The following PIAS2 variants were observed in gnomAD, a reference collection of about 807,000 sequenced individuals.
The protein encoded by PIAS2 is E3 SUMO-protein ligase PIAS2.
PIAS2 carries 19 observed loss-of-function variants against 69.7 expected under a neutral mutation model. The ratio of observed to expected loss-of-function variants is 0.27; its 90% CI spans 0.19 to 0.40. The LOEUF (loss-of-function observed/expected upper bound fraction) is 0.40, where lower values mean the gene tolerates loss of function less well. Ranked by LOEUF, PIAS2 falls within the 10% of genes least tolerant of loss-of-function variation. PIAS2 has a pLI of 1.00. For synonymous variants in PIAS2, 261 were observed against 263.2 expected (o/e 0.99, Z 0.08); for missense variants, 624 against 757.0 (o/e 0.82, Z 2.06).
chr18:46,916,679 A>C, intron 1 of PIAS2: 2 of 321,680 alleles, frequency 6.2e-6, no homozygotes, highest in Non-Finnish European at 9.0e-6. Context: ...CACAAACCTC[A>C]CAACATAGAC....
At chr18:46,864,802 AAT>A (rs1234651026) in intron 2 of PIAS2, among the ~76,000 whole-genome samples, 1 of 152,138 alleles carries the variant, frequency 6.6e-6, no homozygotes, top group African/African-American at 2.4e-5. Flanking sequence ...GCACAGTAAA[AAT>A]ATAACAAAAC....
intron 10 of PIAS2, among the ~76,000 whole-genome samples, chr18:46,829,066 T>C (rs2043212576): frequency 2.0e-5 from 3 of 152,186 alleles, no homozygotes; most frequent in Non-Finnish European, 4.4e-5. Flanking sequence ...AAAACTGAAA[T>C]GCAGTGAGTA....
chr18:46,884,563 G>A (rs554149327), intron 2 of PIAS2, among the ~76,000 whole-genome samples: 49 of 151,860 alleles, frequency 3.2e-4, no homozygotes, highest in African/African-American at 9.2e-4. Flanking sequence ...CGCCCACCTC[G>A]GCCTCCCAAA....
rs535403642 is a variant in PIAS2, at chr18:46,874,344, G to A, written c.500-10096C>T. ...CTTTTCAAGTGCAGCCACCAGTAAT[G>A]TAGTTAAGGCATTAATCAAAAATAT... On this transcript the variant is annotated intron_variant, in intron 2 of 13. Coordinates refer to ENST00000585916, the MANE Select transcript of PIAS2 (RefSeq NM_004671.5). Among the ~76,000 whole-genome samples, 12 of 152,212 alleles carry A rather than the reference G, an allele frequency of 7.9e-5. No individual in the cohort carries two copies. In the South Asian group the frequency reaches 2.5e-3, roughly 32 times the overall value.
rs1480386435 is a variant in PIAS2, at chr18:46,807,374, TATATA to T, written c.*5054_*5058del. Reference sequence around the variant, plus strand: ...CAGATTTTATATATATATATATATATATATATATATTTTTTTTTTTTTTTTTTTTT... The same window carrying T: ...CAGATTTTATATATATATATATATATTATATTTTTTTTTTTTTTTTTTTTT... On this transcript the variant is annotated 3_prime_UTR_variant, in exon 14 of 14. Transcript: ENST00000585916. 8.8e-4 allele frequency: 27 copies of T among 30,760 alleles called. 1 individual carries two copies. The highest frequency in any genetic ancestry group is 4.1e-3 in the African/African-American group (20 of 4,828). The allele number at this position is 30,760 out of a possible 1,614,324, so 1.9% of individuals were successfully genotyped here.
At chr18:46,849,882 C>T (rs991138704) in intron 5 of PIAS2, among the ~76,000 whole-genome samples, 1 of 152,128 alleles carries the variant, frequency 6.6e-6, no homozygotes, top group Non-Finnish European at 1.5e-5. Context: ...CAAAAATACA[C>T]ATTTCTTTTT....
chr18:46,861,201 T>G (rs910273836), intron 3 of PIAS2, among the ~76,000 whole-genome samples: 1 of 152,104 alleles, frequency 6.6e-6, no homozygotes, highest in Non-Finnish European at 1.5e-5. Flanking sequence ...ATTGTGCCAC[T>G]GCACTCCAAC....
intron 8 of PIAS2, among the ~76,000 whole-genome samples, chr18:46,841,549 C>T (rs1270724414): frequency 2.6e-5 from 4 of 152,200 alleles, no homozygotes; most frequent in African/African-American, 9.7e-5. Flanking sequence ...TCCACCAAAT[C>T]TAATCAAAAC....
chr18:46,916,074 G>A (rs1236447036), intron 1 of PIAS2, among the ~76,000 whole-genome samples: 1 of 152,014 alleles, frequency 6.6e-6, no homozygotes, highest in Non-Finnish European at 1.5e-5. Flanking sequence ...ACTAGTATGG[G>A]GCATAACATG....
intron 10 of PIAS2, among the ~76,000 whole-genome samples, chr18:46,828,498 A>G (rs985091167): frequency 6.6e-6 from 1 of 152,230 alleles, no homozygotes; most frequent in Non-Finnish European, 1.5e-5. Context: ...AACTGGTCTC[A>G]GGTCATGGGA....
intron 1 of PIAS2, among the ~76,000 whole-genome samples, chr18:46,895,541 C>T (rs1197323830): frequency 6.6e-6 from 1 of 151,856 alleles, no homozygotes; most frequent in Non-Finnish European, 1.5e-5. Context: ...TGTGGTGTCT[C>T]GCACCTGTAA....
At position 46,890,843 on chromosome 18, in the gene PIAS2, T is replaced by C. The variant is rs184343046; in HGVS notation, c.236A>G (p.Lys79Arg). Residue 79 changes from lysine (K) to arginine (R), a missense_variant, in exon 2 of 14, where the codon AAA becomes AGA. Physicochemically the swap from Lys to Arg is conservative, Grantham distance 26. Coordinates refer to ENST00000585916, the MANE Select transcript of PIAS2 (RefSeq NM_004671.5). The part of the protein sequence containing the change: ...LEGLSDLSTI[K>R]SSVFSLDGGS... Reference sequence around the variant, plus strand: ...ACCATCCAAACTGAAAACCGATGATTTGATTGTGGATAAATCAGAAAGTCC... The same window carrying C: ...ACCATCCAAACTGAAAACCGATGATCTGATTGTGGATAAATCAGAAAGTCC... 1.8e-5 allele frequency: 29 copies of C among 1,614,184 alleles called. No homozygotes were observed. In the Admixed American group the frequency reaches 4.2e-4, roughly 23 times the overall value.
intron 1 of PIAS2, among the ~76,000 whole-genome samples, chr18:46,909,080 C>G (rs1474689427): frequency 6.6e-6 from 1 of 152,072 alleles, no homozygotes; most frequent in African/African-American, 2.4e-5. Context: ...ATGCATCCAA[C>G]TGTGAAACTA....
At chr18:46,889,768 G>A (rs574549149) in intron 2 of PIAS2, among the ~76,000 whole-genome samples, 3 of 152,294 alleles carry the variant, frequency 2.0e-5, no homozygotes, top group South Asian at 4.1e-4. Context: ...AAAGAGATAC[G>A]TGTATACCCG....
intron 1 of PIAS2, among the ~76,000 whole-genome samples, chr18:46,901,796 C>CA (rs1421752107): frequency 2.0e-5 from 3 of 151,916 alleles, no homozygotes; most frequent in African/African-American, 7.3e-5. Flanking sequence ...ACAGGTCTAC[C>CA]AAAAAAATAA....
chr18:46,820,924 T>TCCACA lies in PIAS2; in HGVS notation c.1648+4_1648+8dup. 1 of 1,601,034 alleles carries TCCACA rather than the reference T, an allele frequency of 6.2e-7. No homozygotes were observed. Among genetic ancestry groups the TCCACA allele is most frequent in the African/African-American group, 1.3e-5 (1 of 74,186 alleles). On this transcript the variant is annotated intron_variant, in intron 12 of 13. Coordinates refer to ENST00000585916, the MANE Select transcript of PIAS2 (RefSeq NM_004671.5). ...TAAAAAACAAAAGAAACAAAAACAC[T>TCCACA]CCACATACCTGGCAAATCTGATGAC...
intron 3 of PIAS2, among the ~76,000 whole-genome samples, chr18:46,861,256 A>C (rs1047115454): frequency 6.6e-6 from 1 of 152,192 alleles, no homozygotes; most frequent in Non-Finnish European, 1.5e-5. Context: ...AAACAAACAA[A>C]ATGAATGAAT....
chr18:46,889,074 C>G (rs575026966), intron 2 of PIAS2, among the ~76,000 whole-genome samples: 1 of 152,060 alleles, frequency 6.6e-6, no homozygotes, highest in Non-Finnish European at 1.5e-5. Flanking sequence ...ATACCATATA[C>G]GAAAATTAAC....
At chr18:46,878,467 C>A (rs1354449781) in intron 2 of PIAS2, among the ~76,000 whole-genome samples, 1 of 152,134 alleles carries the variant, frequency 6.6e-6, no homozygotes, top group African/African-American at 2.4e-5. Context: ...TTTAATGTGC[C>A]TAAATGTTAA....
Sources: gnomAD v4.1 joint callset for allele counts (sites outside exome capture counted in the v4.1 genomes callset) on GRCh38, gnomAD v4.1.1 for gene constraint, MANE v1.5 for transcripts, NCBI Gene and HGNC (gene_info 2026-07-23, HGNC 2026-07-21) for gene names.